Variants in TMEM50A observed in about 807,000 individuals in gnomAD.
TMEM50A encodes cervical cancer oncogene 9.
A neutral mutation model predicts 23.9 loss-of-function variants in TMEM50A; 8 were observed. The ratio of observed to expected loss-of-function variants is 0.33; its 90% CI spans 0.20 to 0.60. The LOEUF (loss-of-function observed/expected upper bound fraction) is 0.60, where lower values mean the gene tolerates loss of function less well. TMEM50A is among the 20% of genes least tolerant of loss of function. The pLI, the probability that TMEM50A is intolerant of heterozygous loss-of-function variation, is 0.81. For missense variants in TMEM50A, 178 were observed against 192.7 expected (o/e 0.92, Z 0.45); for synonymous variants, 55 against 60.4 (o/e 0.91, Z 0.41).
chr1:25,353,353 G>C (rs998562459), intron 5 of TMEM50A, among the ~76,000 whole-genome samples: 1 of 152,084 alleles, frequency 6.6e-6, no homozygotes, highest in African/African-American at 2.4e-5. Flanking sequence ...CATGATCATG[G>C]CCCACTGCAG....
intron 2 of TMEM50A, 85 bp downstream of exon 2, chr1:25,340,664 G>T (rs1645158339): frequency 4.1e-6 from 4 of 980,212 alleles, no homozygotes; most frequent in Non-Finnish European, 6.1e-6. Context: ...TTTAAAATAT[G>T]TACTATTTAT....
rs188351625 is a variant in TMEM50A at position 25,361,010 on chromosome 1, T to C, written c.*305T>C. 117 of 272,914 alleles carry C rather than the reference T, an allele frequency of 4.3e-4. 1 individual carries two copies. The East Asian group carries it at 8.3e-3, about 19-fold the overall frequency. The allele number at this position is 272,914 out of a possible 1,614,324, so 16.9% of individuals were successfully genotyped here. A position where few individuals can be genotyped will look rare whatever the true frequency, so the allele number is the denominator to read the frequency against. On this transcript the variant is annotated 3_prime_UTR_variant, in exon 7 of 7. Coordinates refer to ENST00000374358, the MANE Select transcript of TMEM50A (RefSeq NM_014313.4). ...ACAAAAGAAATTATGGATTTGTCAA[T>C]GTAAGTATTTGTCATATCTGAGGTC...
intron 6 of TMEM50A, among the ~76,000 whole-genome samples, chr1:25,360,102 C>T (rs1277529713): frequency 2.0e-5 from 3 of 152,130 alleles, no homozygotes; most frequent in Non-Finnish European, 4.4e-5. Flanking sequence ...GTAATCCCAG[C>T]ACTTTGGGAG....
chr1:25,355,720 A>G (rs1645326680), intron 5 of TMEM50A, among the ~76,000 whole-genome samples: 1 of 152,356 alleles, frequency 6.6e-6, no homozygotes, highest in Non-Finnish European at 1.5e-5. Flanking sequence ...CAGTTCACCT[A>G]TTTATTGTGC....
intron 1 of TMEM50A, among the ~76,000 whole-genome samples, chr1:25,339,688 C>T (rs1645147148): frequency 6.6e-6 from 1 of 152,180 alleles, no homozygotes; most frequent in Non-Finnish European, 1.5e-5. Context: ...AATGTTAGTG[C>T]TCCTGGACTG....
At chr1:25,340,780 G>A (rs911431681) in intron 2 of TMEM50A, among the ~76,000 whole-genome samples, 2 of 152,154 alleles carry the variant, frequency 1.3e-5, no homozygotes, top group African/African-American at 4.8e-5. Context: ...AAGTGGTTGG[G>A]TTGTTTTAAC....
chr1:25,354,005 T>C (rs1003075438), intron 5 of TMEM50A, among the ~76,000 whole-genome samples: 3 of 152,268 alleles, frequency 2.0e-5, no homozygotes, highest in Admixed American at 6.5e-5. Context: ...ATTTTTTTTA[T>C]TTTTTGAGAC....
chr1:25,341,016 G>A (rs1645161108), intron 2 of TMEM50A, among the ~76,000 whole-genome samples: 1 of 152,042 alleles, frequency 6.6e-6, no homozygotes, highest in Admixed American at 6.6e-5. Context: ...ATAATACAGA[G>A]AAGATTAGCA....
chr1:25,357,860 G>C (rs921862485), intron 6 of TMEM50A, among the ~76,000 whole-genome samples: 1 of 151,254 alleles, frequency 6.6e-6, no homozygotes, highest in Non-Finnish European at 1.5e-5. Context: ...GGATGGTCTT[G>C]ATTCCTGATC....
In TMEM50A at chr1:25,344,292, T is replaced by C. The variant is rs1303039619; in HGVS notation, c.206+1219T>C. ...AAGTGTAATGGAAGCCATTGGAAGG[T>C]TTCGAGCAGAGGAATGAAATGACCT... On this transcript the variant is annotated intron_variant, in intron 3 of 6. Transcript: ENST00000374358. 2.0e-5 allele frequency among the ~76,000 whole-genome samples: 3 copies of C among 152,210 alleles called. No individual in the cohort carries two copies. The East Asian group carries it at 5.8e-4, about 29-fold the overall frequency.
In TMEM50A at chr1:25,360,791, T is replaced by C. The variant is rs1645392718; in HGVS notation, c.*86T>C. 7.1e-7 allele frequency: 1 copy of C among 1,416,756 alleles called. No individual in the cohort carries two copies. Among genetic ancestry groups the C allele is most frequent in the East Asian group, 2.3e-5 (1 of 43,754 alleles). The allele number at this position is 1,416,756 out of a possible 1,614,324, so 87.8% of individuals were successfully genotyped here. A position where few individuals can be genotyped will look rare whatever the true frequency, so the allele number is the denominator to read the frequency against. ...CACTCCCAACCTTTTGTAATGCCATTTTCTAAACTTATTTCTGAGTGTAGT... is the reference window on the plus strand; with the variant it reads ...CACTCCCAACCTTTTGTAATGCCATCTTCTAAACTTATTTCTGAGTGTAGT... On this transcript the variant is annotated 3_prime_UTR_variant, in exon 7 of 7. Coordinates refer to ENST00000374358, the MANE Select transcript of TMEM50A (RefSeq NM_014313.4).
chr1:25,358,369 A>G (rs1012479064), intron 6 of TMEM50A, among the ~76,000 whole-genome samples: 1 of 152,208 alleles, frequency 6.6e-6, no homozygotes, highest in Non-Finnish European at 1.5e-5. Flanking sequence ...GGCTTTCATC[A>G]GATTTTCAAA....
intron 6 of TMEM50A, 70 bp from the exon 7 acceptor site, chr1:25,360,590 A>T: frequency 6.4e-7 from 1 of 1,555,390 alleles, no homozygotes; most frequent in South Asian, 1.1e-5. Context: ...GTTTCACACC[A>T]TTCTCGAAAT....
chr1:25,355,644 C>A (rs1448609222), intron 5 of TMEM50A, among the ~76,000 whole-genome samples: 1 of 152,132 alleles, frequency 6.6e-6, no homozygotes, highest in East Asian at 1.9e-4. Context: ...GTGGTGAAGA[C>A]CTATGCAAAC....
chr1:25,346,229 ACTCT>A (rs982046232), intron 3 of TMEM50A, among the ~76,000 whole-genome samples: 1 of 138,056 alleles, frequency 7.2e-6, no homozygotes, highest in Non-Finnish European at 1.6e-5. Flanking sequence ...TTAGGGATCA[ACTCT>A]CTCTGTGGGC....
chr1:25,357,562 T>TGTGTTG (rs397778370), intron 6 of TMEM50A, among the ~76,000 whole-genome samples: 9 of 132,016 alleles, frequency 6.8e-5, no homozygotes, highest in African/African-American at 2.9e-4. Context: ...TGTGTGTGTG[T>TGTGTTG]TGTGTGTGTG....
rs985037916 is a variant in TMEM50A, at chr1:25,349,054, G to A, written c.207-2572G>A. ...GCAGCGGAGCGTGGGATGGAAGAAG[G>A]CAGCCCTACATGGGATGCTGGAGTC... On this transcript the variant is annotated intron_variant, in intron 3 of 6. Coordinates refer to ENST00000374358, the MANE Select transcript of TMEM50A (RefSeq NM_014313.4). Among the ~76,000 whole-genome samples the A allele has an allele frequency of 2.0e-5, 3 of 152,156 alleles. No homozygotes were observed. The East Asian group carries it at 5.8e-4, about 29-fold the overall frequency.
chr1:25,347,738 T>C (rs1645233394), intron 3 of TMEM50A, among the ~76,000 whole-genome samples: 1 of 152,248 alleles, frequency 6.6e-6, no homozygotes, highest in African/African-American at 2.4e-5. Flanking sequence ...AGAGTAGTTA[T>C]TCATTCGCAG....
At chr1:25,347,381 G>A (rs1420109583) in intron 3 of TMEM50A, among the ~76,000 whole-genome samples, 6 of 151,944 alleles carry the variant, frequency 3.9e-5, no homozygotes, top group South Asian at 2.1e-4. Flanking sequence ...GATTACAGAC[G>A]CCCACCACTG....
Sources: gnomAD v4.1 joint callset for allele counts (sites outside exome capture counted in the v4.1 genomes callset) on GRCh38, gnomAD v4.1.1 for gene constraint, MANE v1.5 for transcripts, NCBI Gene and HGNC (gene_info 2026-07-23, HGNC 2026-07-21) for gene names.